FAN1: variants seen among roughly 807,000 people sequenced by gnomAD.
FAN1 encodes fanconi-associated nuclease 1.
FAN1 carries 91 observed loss-of-function variants against 104.9 expected under a neutral mutation model. That is an observed-to-expected ratio of 0.87 (90% CI 0.73 to 1.03). The LOEUF (loss-of-function observed/expected upper bound fraction) is 1.03. FAN1 is among the 50% of genes least tolerant of loss of function. The pLI is 0.00. For synonymous variants in FAN1, 478 were observed against 457.6 expected (o/e 1.04, Z -0.57); for missense variants, 1,263 against 1,239.9 (o/e 1.02, Z -0.28).
intron 10 of FAN1, 177 bp from the exon 11 acceptor site, chr15:30,928,376 G>A (rs934462005): frequency 2.1e-6 from 3 of 1,437,554 alleles, no homozygotes; most frequent in South Asian, 1.5e-5. Context: ...ACAACATACT[G>A]TATAAAATAA....
At chr15:30,907,068 C>CTTTT (rs142567267) in intron 2 of FAN1, among the ~76,000 whole-genome samples, 2 of 140,730 alleles carry the variant, frequency 1.4e-5, no homozygotes, top group Non-Finnish European at 3.1e-5. Context: ...TTGTTTTTGC[C>CTTTT]TTTTTTTTTT....
chr15:30,922,740 G>T (rs1318386567), intron 8 of FAN1, among the ~76,000 whole-genome samples: 1 of 152,246 alleles, frequency 6.6e-6, no homozygotes, highest in Non-Finnish European at 1.5e-5. Context: ...GTAGCACAGG[G>T]TCTCTAGGTA....
chr15:30,942,212 G>C lies in FAN1; in HGVS notation c.*650G>C. The C allele has an allele frequency of 9.5e-7, 1 of 1,048,502 alleles. No individual in the cohort carries two copies. Among genetic ancestry groups the C allele is most frequent in the Non-Finnish European group, 1.4e-6 (1 of 725,542 alleles). 64.9% of individuals were successfully genotyped at this position (1,048,502 alleles called of 1,614,324 possible). A position where few individuals can be genotyped will look rare whatever the true frequency, so the allele number is the denominator to read the frequency against. The stretch of plus-strand genomic sequence containing the variant: ...AGAACATTTTCCTCCCTTCCTTTGT[G>C]TCCTTATTCTAATCCTCCTCCCCTG... On this transcript the variant is annotated 3_prime_UTR_variant, in exon 15 of 15. Coordinates refer to ENST00000362065, the MANE Select transcript of FAN1 (RefSeq NM_014967.5).
chr15:30,925,579 T>C (rs1184626633), intron 9 of FAN1, among the ~76,000 whole-genome samples: 2 of 152,226 alleles, frequency 1.3e-5, no homozygotes, highest in Non-Finnish European at 2.9e-5. Context: ...TGGGGACCTG[T>C]AGAGCAGTTC....
At chr15:30,938,785 G>A (rs542208793) in intron 14 of FAN1, among the ~76,000 whole-genome samples, 4 of 152,152 alleles carry the variant, frequency 2.6e-5, no homozygotes, top group Admixed American at 6.5e-5. Context: ...AGCCACTTCC[G>A]AATTGCTGTT....
intron 10 of FAN1, chr15:30,927,317 C>T: frequency 1.0e-6 from 1 of 985,486 alleles, no homozygotes; most frequent in Non-Finnish European, 1.2e-6. Context: ...GGTCCTAGCT[C>T]CACTCCTGGC....
In FAN1 at chr15:30,910,674, C is replaced by G; in HGVS notation, c.1436C>G (p.Ser479Cys). ...LELLSAPELK[S>C]LAKTFHLVNP... is the part of the protein sequence containing the mutation. ...CTCCTTTCTGCTCCTGAACTAAAAT[C>G]CCTAGCCAAGACCTTCCACTTGGTG... The change falls in exon 4 of 15, where the codon TCC becomes TGC. Residue 479 changes from serine to cysteine, a missense_variant. By Grantham distance (112) the Ser-to-Cys change is moderately radical (BLOSUM62 -1). Coordinates refer to ENST00000362065, the MANE Select transcript of FAN1 (RefSeq NM_014967.5). The G allele has an allele frequency of 6.2e-7, 1 of 1,613,770 alleles. No individual in the cohort carries two copies. Among genetic ancestry groups the G allele is most frequent in the Non-Finnish European group, 8.5e-7 (1 of 1,179,848 alleles).
chr15:30,927,218 C>CAA, intron 10 of FAN1: 1 of 848,980 alleles, frequency 1.2e-6, no homozygotes, highest in Non-Finnish European at 1.4e-6. Context: ...CAAAACAAAA[C>CAA]AAACAAAGGA....
intron 11 of FAN1, 85 bp downstream of exon 11, chr15:30,928,741 C>A (rs2062537098): frequency 6.3e-7 from 1 of 1,591,718 alleles, no homozygotes; most frequent in Non-Finnish European, 8.6e-7. Context: ...TGTCCACAGC[C>A]AGCAGAAACC....
chr15:30,939,016 A>G, intron 14 of FAN1: 2 of 985,318 alleles, frequency 2.0e-6, no homozygotes, highest in Non-Finnish European at 2.4e-6. Flanking sequence ...AAGATAACAC[A>G]TCTTCTTGCT....
At chr15:30,938,940 A>G in intron 14 of FAN1, 3 of 985,414 alleles carry the variant, frequency 3.0e-6, no homozygotes, top group Non-Finnish European at 3.6e-6. Flanking sequence ...TGACAACAAC[A>G]AACAGTCGCT....
intron 14 of FAN1, chr15:30,940,479 C>T (rs988517017): frequency 2.4e-5 from 24 of 985,466 alleles, no homozygotes; most frequent in South Asian, 4.7e-5. Flanking sequence ...GTGCCCAACT[C>T]GTAACCTCAT....
chr15:30,938,402 A>C (rs952685206), intron 14 of FAN1, among the ~76,000 whole-genome samples: 2 of 152,208 alleles, frequency 1.3e-5, no homozygotes, highest in East Asian at 3.8e-4. Context: ...TATAACATGT[A>C]AATGCTTGTT....
intron 5 of FAN1, 80 bp downstream of exon 5, chr15:30,914,171 C>T (rs1293508431): frequency 9.3e-7 from 1 of 1,075,576 alleles, no homozygotes; most frequent in African/African-American, 1.6e-5. Flanking sequence ...TTTTTCCAGC[C>T]AAAGTAGAAA....
chr15:30,910,270 C>T (rs1021841579), intron 3 of FAN1, among the ~76,000 whole-genome samples: 2 of 152,152 alleles, frequency 1.3e-5, no homozygotes, highest in Admixed American at 6.5e-5. Flanking sequence ...TTTGAGAGGT[C>T]CCATTTTGTA....
intron 8 of FAN1, among the ~76,000 whole-genome samples, chr15:30,923,122 A>G (rs2062374271): frequency 6.6e-6 from 1 of 151,796 alleles, no homozygotes; most frequent in African/African-American, 2.4e-5. Context: ...AGGGTGATGT[A>G]GGGGTGGAAA....
chr15:30,937,364 G>A (rs1380718479), intron 14 of FAN1, 105 bp downstream of exon 14: 2 of 1,093,130 alleles, frequency 1.8e-6, no homozygotes, highest in Non-Finnish European at 2.6e-6. Flanking sequence ...CTGATAGTTT[G>A]ACTTGTCATT....
At chr15:30,920,413 T>G (rs1037418495) in intron 6 of FAN1, 132 bp from the exon 7 acceptor site, 1 of 643,758 alleles carries the variant, frequency 1.6e-6, no homozygotes, top group Non-Finnish European at 2.7e-6. Context: ...TGTAGAAAAT[T>G]GTACACAACT....
chr15:30,928,966 G>A (rs557212241), intron 11 of FAN1, among the ~76,000 whole-genome samples: 1 of 152,266 alleles, frequency 6.6e-6, no homozygotes, highest in South Asian at 2.1e-4. Context: ...TCACAGACAT[G>A]GGCACATCTG....
Sources: allele counts gnomAD v4.1 joint callset (sites outside exome capture counted in the v4.1 genomes callset), GRCh38; gene constraint gnomAD v4.1.1; transcripts MANE v1.5; gene names NCBI Gene and HGNC (gene_info 2026-07-23, HGNC 2026-07-21).